ITGB6: variants seen among roughly 807,000 people sequenced by gnomAD.
ITGB6 encodes integrin subunit beta 6.
Under a neutral mutation model 84.5 loss-of-function variants are expected in ITGB6, and 80 were observed. The observed-to-expected ratio is 0.95, with a 90% CI of 0.79 to 1.14. The LOEUF (loss-of-function observed/expected upper bound fraction) is 1.14, where lower values mean the gene tolerates loss of function less well. Among genes scored for constraint, ITGB6 ranks in the 50% most tolerant of loss-of-function variants. ITGB6 has a pLI of 0.00. For synonymous variants in ITGB6, 383 were observed against 354.9 expected, an observed-to-expected ratio of 1.08 and a Z score of -0.89; for missense variants, 1,006 against 968.0, an observed-to-expected ratio of 1.04 and a Z score of -0.52.
chr2:160,134,310 A>G (rs1053340788), intron 10 of ITGB6, among the ~76,000 whole-genome samples: 10 of 152,248 alleles, frequency 6.6e-5, no homozygotes, highest in African/African-American at 2.4e-4. Context: ...TCTGGAAGAA[A>G]TGGATAAATT....
intron 12 of ITGB6, among the ~76,000 whole-genome samples, chr2:160,113,240 T>C (rs922872654): frequency 1.1e-4 from 16 of 152,230 alleles, no homozygotes; most frequent in Non-Finnish European, 1.8e-4. Context: ...ACCTCTCCCA[T>C]TAGCTTAAAA....
intron 13 of ITGB6, among the ~76,000 whole-genome samples, chr2:160,108,214 A>AGTGTGT (rs57363305): frequency 0.12 from 17,513 of 142,632 alleles, 1,283 homozygotes; most frequent in Non-Finnish European, 0.16. Context: ...GCAGAAATGG[A>AGTGTGT]GTGTGTGTGT....
At chr2:160,181,254 G>A (rs979005279) in intron 4 of ITGB6, among the ~76,000 whole-genome samples, 1 of 152,190 alleles carries the variant, frequency 6.6e-6, no homozygotes, top group Admixed American at 6.5e-5. Context: ...AATTCTCGCT[G>A]CCAGCACAGC....
chr2:160,128,014 C>T (rs1298743401), intron 10 of ITGB6, among the ~76,000 whole-genome samples: 2 of 152,146 alleles, frequency 1.3e-5, no homozygotes, highest in Non-Finnish European at 2.9e-5. Flanking sequence ...CATAAGCATA[C>T]ACTGAGTGCT....
intron 4 of ITGB6, among the ~76,000 whole-genome samples, chr2:160,189,017 G>A (rs527347193): frequency 6.6e-6 from 1 of 152,104 alleles, no homozygotes; most frequent in South Asian, 2.1e-4. Context: ...ATAGACCAAT[G>A]GAACAGAACA....
At chr2:160,195,222 C>A (rs1229183358) in intron 4 of ITGB6, 147 bp downstream of exon 4, 16 of 1,004,372 alleles carry the variant, frequency 1.6e-5, no homozygotes, top group Non-Finnish European at 2.3e-5. Context: ...CTCTAAGCAA[C>A]CTAGGCCTCT....
intron 7 of ITGB6, among the ~76,000 whole-genome samples, chr2:160,168,519 A>T (rs1468554776): frequency 6.6e-6 from 1 of 152,204 alleles, no homozygotes; most frequent in Non-Finnish European, 1.5e-5. Context: ...AATTCAGGGC[A>T]TTTTGACATA....
At chr2:160,139,598 A>G (rs1362190174) in intron 8 of ITGB6, among the ~76,000 whole-genome samples, 1 of 152,232 alleles carries the variant, frequency 6.6e-6, no homozygotes, top group Non-Finnish European at 1.5e-5. Context: ...AGTGGATGAC[A>G]TGATCTGACC....
intron 8 of ITGB6, among the ~76,000 whole-genome samples, chr2:160,140,419 C>T (rs1168407230): frequency 2.0e-5 from 3 of 152,272 alleles, no homozygotes; most frequent in South Asian, 2.1e-4. Context: ...AGAGGCATGG[C>T]GGCTGCTCTT....
intron 7 of ITGB6, among the ~76,000 whole-genome samples, chr2:160,162,761 G>T (rs1200423398): frequency 1.3e-5 from 2 of 152,118 alleles, no homozygotes; most frequent in East Asian, 3.9e-4. Flanking sequence ...TGGGATTACA[G>T]GTGCATGCCA....
At chr2:160,103,135 C>T (rs747046267) in intron 14 of ITGB6, among the ~76,000 whole-genome samples, 5 of 152,162 alleles carry the variant, frequency 3.3e-5, no homozygotes, top group Non-Finnish European at 4.4e-5. Flanking sequence ...CTTTGATCAC[C>T]TCATTCCATG....
intron 6 of ITGB6, 41 bp downstream of exon 6, chr2:160,172,528 A>G (rs1047760285): frequency 3.3e-6 from 5 of 1,530,156 alleles, no homozygotes; most frequent in African/African-American, 2.7e-5. Flanking sequence ...TCGTTCTCCT[A>G]CTTATAGCCC....
At chr2:160,153,168 C>T (rs1453515888) in intron 7 of ITGB6, among the ~76,000 whole-genome samples, 7 of 152,136 alleles carry the variant, frequency 4.6e-5, no homozygotes, top group South Asian at 4.1e-4. Context: ...GGAGAGATCA[C>T]GCTACCTGAC....
Position 160,149,801 on chromosome 2 carries a change from G to A in ITGB6, c.1018-7730C>T, listed in dbSNP as rs938110859. 5.3e-5 allele frequency among the ~76,000 whole-genome samples: 8 copies of A among 152,238 alleles called. 1 individual carries two copies. Among genetic ancestry groups the A allele is most frequent in the African/African-American group, 1.7e-4 (7 of 41,552 alleles). ...CTGAAAACCATGGCACAAGAACTTC[G>A]TGATGCATGCACAAGCTTCAATAGC... On this transcript the variant is annotated intron_variant, in intron 7 of 14. Transcript: ENST00000283249.
chr2:160,157,709 A>G (rs1684675525), intron 7 of ITGB6, among the ~76,000 whole-genome samples: 1 of 136,676 alleles, frequency 7.3e-6, no homozygotes, highest in South Asian at 2.3e-4. Context: ...CAAAGGCTAC[A>G]TTTTGAAAGA....
chr2:160,198,543 G>T (rs919010582), intron 2 of ITGB6, among the ~76,000 whole-genome samples: 4 of 152,224 alleles, frequency 2.6e-5, no homozygotes, highest in Admixed American at 6.5e-5. Context: ...ATTCTCTAGT[G>T]TCTTAGGATG....
chr2:160,108,616 C>T (rs184307886), intron 13 of ITGB6, among the ~76,000 whole-genome samples: 70 of 152,274 alleles, frequency 4.6e-4, no homozygotes, highest in Non-Finnish European at 8.4e-4. Context: ...ACTGTTCTTG[C>T]TTACTAACAC....
At chr2:160,172,062 A>G (rs1685226290) in intron 6 of ITGB6, among the ~76,000 whole-genome samples, 1 of 152,226 alleles carries the variant, frequency 6.6e-6, no homozygotes, top group Non-Finnish European at 1.5e-5. Context: ...CTGGTTTTAC[A>G]AGAGTTAGCT....
chr2:160,117,580 C>T (rs1009131387), intron 12 of ITGB6, among the ~76,000 whole-genome samples: 7 of 152,112 alleles, frequency 4.6e-5, no homozygotes, highest in African/African-American at 1.7e-4. Context: ...CCAAAACTGA[C>T]ACCCTAACAT....
Sources: gnomAD v4.1 joint callset for allele counts (sites outside exome capture counted in the v4.1 genomes callset) on GRCh38, gnomAD v4.1.1 for gene constraint, MANE v1.5 for transcripts, NCBI Gene and HGNC (gene_info 2026-07-23, HGNC 2026-07-21) for gene names.